The following RBM27 variants were observed in gnomAD, a reference collection of about 807,000 sequenced individuals.
RBM27 encodes the protein RNA binding motif protein 27.
In RBM27, 22 loss-of-function variants were observed where a neutral mutation model predicts 135.3. That is an observed-to-expected ratio of 0.16 (90% CI 0.12 to 0.23). The LOEUF (loss-of-function observed/expected upper bound fraction) is 0.23. RBM27 is among the 10% of genes least tolerant of loss of function. The pLI, the probability that RBM27 is intolerant of heterozygous loss-of-function variation, is 1.00. For missense variants in RBM27, 1,009 were observed against 1,281.0 expected, an observed-to-expected ratio of 0.79 and a Z score of 3.24; for synonymous variants, 481 against 442.4, an observed-to-expected ratio of 1.09 and a Z score of -1.10.
At chr5:146,270,042 A>C (rs921207358) in intron 17 of RBM27, among the ~76,000 whole-genome samples, 2 of 152,198 alleles carry the variant, frequency 1.3e-5, no homozygotes, top group African/African-American at 4.8e-5. Flanking sequence ...TTCCCATTTC[A>C]GCAGTGTTTT....
chr5:146,220,755 C>A (rs1756425711), intron 2 of RBM27, among the ~76,000 whole-genome samples: 1 of 151,988 alleles, frequency 6.6e-6, no homozygotes, highest in African/African-American at 2.4e-5. Context: ...AAAAATTCCT[C>A]CCCAGTACAG....
At position 146,260,836 on chromosome 5, in the gene RBM27, T is replaced by C. The variant is rs1432742245; in HGVS notation, c.1831T>C (p.Leu611=). The change falls in exon 12 of 21, where the codon TTG becomes CTG. Residue 611 remains leucine, a synonymous_variant. Coordinates refer to ENST00000265271, the MANE Select transcript of RBM27 (RefSeq NM_018989.2). ...KLEVKKIPQE[L]NNITKLNEHF... is the part of the protein sequence containing the mutation. ...AGAAGTCAAGAAAATCCCTCAGGAATTGAACAACATTACCAAGCTCAATGA... is the reference window on the plus strand; with the variant it reads ...AGAAGTCAAGAAAATCCCTCAGGAACTGAACAACATTACCAAGCTCAATGA... 2 of 1,613,798 alleles carry C rather than the reference T, an allele frequency of 1.2e-6. No homozygotes were observed. Among genetic ancestry groups the C allele is most frequent in the Non-Finnish European group, 1.7e-6 (2 of 1,179,894 alleles).
chr5:146,269,344 T>G lies in RBM27; in HGVS notation c.2526+63T>G, dbSNP rs1168179513. ...TGTATAGAATTGATTTTAAAAGTAT[T>G]ATTCATAATTTTTAAAGACTTCTTT... is the stretch of plus-strand genomic sequence containing the variant. On this transcript the variant is annotated intron_variant, in intron 16 of 20. Transcript: ENST00000265271. 2.7e-6 allele frequency: 4 copies of G among 1,483,702 alleles called. No individual in the cohort carries two copies. In the African/African-American group the frequency reaches 5.7e-5, roughly 21 times the overall value. 91.9% of individuals were successfully genotyped at this position (1,483,702 alleles called of 1,614,324 possible).
chr5:146,229,770 A>ATGAGCGGAATGAATTGTACCG lies in RBM27; in HGVS notation c.454_474dup (p.Arg152_Glu158dup). 6.2e-7 allele frequency: 1 copy of ATGAGCGGAATGAATTGTACCG among 1,613,114 alleles called. No individual in the cohort carries two copies. The highest frequency in any genetic ancestry group is 8.5e-7 in the Non-Finnish European group (1 of 1,179,300). Reference sequence around the variant, plus strand: ...AAATGGAGAGACTATGACCGGTACTATGAGCGGAATGAATTGTACCGTGAG... The same window carrying ATGAGCGGAATGAATTGTACCG: ...AAATGGAGAGACTATGACCGGTACTATGAGCGGAATGAATTGTACCGTGAGCGGAATGAATTGTACCGTGAG... On this transcript the variant is annotated inframe_insertion, in exon 5 of 21. Transcript: ENST00000265271.
chr5:146,246,097 G>C (rs1757612976), intron 8 of RBM27, among the ~76,000 whole-genome samples: 1 of 152,132 alleles, frequency 6.6e-6, no homozygotes, highest in Admixed American at 6.5e-5. Flanking sequence ...TTATACATCA[G>C]GCACTGTTTA....
chr5:146,264,340 T>G (rs1461435938), intron 14 of RBM27, among the ~76,000 whole-genome samples: 1 of 151,898 alleles, frequency 6.6e-6, no homozygotes, highest in Non-Finnish European at 1.5e-5. Flanking sequence ...TGCGCCACCA[T>G]GCCCAGCTGA....
chr5:146,261,021 A>G (rs1758373244), intron 12 of RBM27, 123 bp downstream of exon 12: 3 of 913,512 alleles, frequency 3.3e-6, no homozygotes, highest in East Asian at 5.0e-5. Context: ...AGTGCTGTAA[A>G]TGCCACCATA....
chr5:146,273,525 T>G (rs1212547558), intron 19 of RBM27, among the ~76,000 whole-genome samples: 2 of 152,148 alleles, frequency 1.3e-5, no homozygotes, highest in African/African-American at 4.8e-5. Flanking sequence ...TTTGATAGCA[T>G]ACTATCAGAA....
intron 8 of RBM27, among the ~76,000 whole-genome samples, chr5:146,249,142 T>C (rs532265744): frequency 5.6e-4 from 85 of 151,990 alleles, no homozygotes; most frequent in Non-Finnish European, 9.9e-4. Context: ...CCACCATGCA[T>C]GGCTAATTTT....
At chr5:146,261,361 C>T in intron 12 of RBM27, 149 bp from the exon 13 acceptor site, 1 of 703,760 alleles carries the variant, frequency 1.4e-6, no homozygotes, top group East Asian at 2.7e-5. Context: ...TAATTACATC[C>T]TAAAAGCTCT....
Position 146,229,700 on chromosome 5 carries a change from A to ATATC in RBM27, c.396-15_396-12dup. The ATATC allele has an allele frequency of 6.4e-7, 1 of 1,570,864 alleles. No individual in the cohort carries two copies. Among genetic ancestry groups the ATATC allele is most frequent in the South Asian group, 1.1e-5 (1 of 89,522 alleles). ...TTTCTATAGCCTGCATATGGCTTTT[A>ATATC]TATCTGTATATTATAGGACACGTGA... is the stretch of plus-strand genomic sequence containing the variant. On this transcript the variant is annotated splice_polypyrimidine_tract_variant and intron_variant, in intron 4 of 20. Transcript: ENST00000265271.
chr5:146,212,630 A>C (rs1756015823), intron 1 of RBM27, among the ~76,000 whole-genome samples: 2 of 152,236 alleles, frequency 1.3e-5, no homozygotes, highest in Non-Finnish European at 2.9e-5. Flanking sequence ...CTGGGATTAC[A>C]GGCATGAGCC....
chr5:146,206,587 A>G (rs891380090), intron 1 of RBM27, among the ~76,000 whole-genome samples: 1 of 148,062 alleles, frequency 6.8e-6, no homozygotes, highest in African/African-American at 2.5e-5. Context: ...TTGTTTGTTT[A>G]TTTATTTATT....
At chr5:146,267,546 T>TA (rs1420070677) in intron 14 of RBM27, 103 bp from the exon 15 acceptor site, 3 of 726,670 alleles carry the variant, frequency 4.1e-6, no homozygotes, top group Non-Finnish European at 6.6e-6. Flanking sequence ...ATTTAACTCC[T>TA]AAGAAGAGTA....
At position 146,231,631 on chromosome 5, in the gene RBM27, A is replaced by G. The variant is rs555172609; in HGVS notation, c.850+714A>G. 5.3e-5 allele frequency among the ~76,000 whole-genome samples: 8 copies of G among 151,860 alleles called. No individual in the cohort carries two copies. The East Asian group carries it at 1.4e-3, about 26-fold the overall frequency. The stretch of plus-strand genomic sequence containing the variant: ...AAGAATTTTATTTATTTATTTATTT[A>G]TTTTTGGAGACGGACTTGCTCTGTC... On this transcript the variant is annotated intron_variant, in intron 6 of 20. Transcript: ENST00000265271.
rs1373351364 is a variant in RBM27 at position 146,217,447 on chromosome 5, C to T, written c.60-1538C>T. 2.8e-5 allele frequency among the ~76,000 whole-genome samples: 4 copies of T among 143,668 alleles called. No individual in the cohort carries two copies. In the Admixed American group the frequency reaches 2.8e-4, roughly 10 times the overall value. The allele number at this position is 143,668 out of a possible 152,430, so 94.3% of individuals were successfully genotyped here. ...AAAGTTATTGGAAATGTGATTGATA[C>T]TCTTGAGCTGAAGCCTGTTTTTTTT... On this transcript the variant is annotated intron_variant, in intron 1 of 20. Coordinates refer to ENST00000265271, the MANE Select transcript of RBM27 (RefSeq NM_018989.2).
Position 146,286,762 on chromosome 5 carries a change from G to C in RBM27, c.*732G>C, listed in dbSNP as rs1347416025. On this transcript the variant is annotated 3_prime_UTR_variant, in exon 21 of 21. Transcript: ENST00000265271. ...TTTGCTTTGATATTTAGTGAGCGCT[G>C]GTTCGGCTGGTCTTTTTAAAAATTT... 1 of 151,970 alleles carries C rather than the reference G, an allele frequency of 6.6e-6. No homozygotes were observed. Among genetic ancestry groups the C allele is most frequent in the African/African-American group, 2.4e-5 (1 of 41,376 alleles). 9.4% of individuals were successfully genotyped at this position (151,970 alleles called of 1,614,324 possible).
intron 2 of RBM27, 63 bp downstream of exon 2, chr5:146,219,166 A>G: frequency 3.3e-6 from 4 of 1,226,440 alleles, no homozygotes; most frequent in Non-Finnish European, 3.5e-6. Context: ...AACTTCCTGA[A>G]AAGTCTTGGA....
intron 14 of RBM27, among the ~76,000 whole-genome samples, chr5:146,264,708 A>G (rs986600812): frequency 5.9e-5 from 9 of 151,550 alleles, no homozygotes; most frequent in African/African-American, 1.7e-4. Context: ...TCCCAAAAAT[A>G]CTATGTAGCT....
Sources: allele counts gnomAD v4.1 joint callset (sites outside exome capture counted in the v4.1 genomes callset), GRCh38; gene constraint gnomAD v4.1.1; transcripts MANE v1.5; gene names NCBI Gene and HGNC (gene_info 2026-07-23, HGNC 2026-07-21).